SNTG2: variants seen among roughly 807,000 people sequenced by gnomAD.
SNTG2 encodes gamma-2-syntrophin.
A neutral mutation model predicts 70.9 loss-of-function variants in SNTG2; 74 were observed. The observed-to-expected ratio is 1.04, with a 90% confidence interval of 0.86 to 1.27. The LOEUF (loss-of-function observed/expected upper bound fraction) is 1.27, where lower values mean the gene tolerates loss of function less well. SNTG2 is among the 50% of genes most tolerant of loss of function. The pLI is 0.00. For synonymous variants in SNTG2, 278 were observed against 273.8 expected (o/e 1.02, Z -0.15); for missense variants, 717 against 690.7 (o/e 1.04, Z -0.43).
At chr2:1,361,670 A>G (rs930745042) in intron 16 of SNTG2, among the ~76,000 whole-genome samples, 7 of 152,314 alleles carry the variant, frequency 4.6e-5, no homozygotes, top group East Asian at 1.9e-4. Flanking sequence ...TAGAACTTCC[A>G]TGAAAGTCAC....
chr2:1,063,412 G>A (rs1662949158), intron 1 of SNTG2, among the ~76,000 whole-genome samples: 1 of 152,168 alleles, frequency 6.6e-6, no homozygotes, highest in Admixed American at 6.5e-5. Context: ...AAGCCTGGGA[G>A]TGGGGCAGCA....
intron 1 of SNTG2, among the ~76,000 whole-genome samples, chr2:976,553 G>T (rs753526596): frequency 1.3e-5 from 2 of 152,222 alleles, no homozygotes; most frequent in Non-Finnish European, 2.9e-5. Context: ...TTGCCTGAGA[G>T]CAGAAGCATG....
chr2:1,195,465 A>G (rs1202545690), intron 8 of SNTG2, among the ~76,000 whole-genome samples: 2 of 152,142 alleles, frequency 1.3e-5, no homozygotes, highest in East Asian at 3.8e-4. Flanking sequence ...GCATTTCTCT[A>G]ATGACTAGTG....
chr2:1,239,746 G>A lies in SNTG2; in HGVS notation c.858G>A (p.Met286Ile). Residue 286 changes from methionine (M) to isoleucine (I), a missense_variant, in exon 11 of 17, where the codon ATG (methionine) becomes ATA (isoleucine). Coordinates refer to ENST00000308624, the MANE Select transcript of SNTG2 (RefSeq NM_018968.4). Reference sequence around the variant, plus strand: ...CTGCCTTCTCTCCACAGATGAAGATGGCGAACAAATGCTGCTCTCCTTCCG... The same window carrying A: ...CTGCCTTCTCTCCACAGATGAAGATAGCGAACAAATGCTGCTCTCCTTCCG... Reference protein sequence around the residue: ...IRELTLQNMKMANKCCSPSDQ... With the variant: ...IRELTLQNMKIANKCCSPSDQ... 1 of 1,613,472 alleles carries A rather than the reference G, an allele frequency of 6.2e-7. No individual in the cohort carries two copies. Among genetic ancestry groups the A allele is most frequent in the East Asian group, 2.2e-5 (1 of 44,878 alleles).
intron 1 of SNTG2, among the ~76,000 whole-genome samples, chr2:1,041,896 G>A (rs530797610): frequency 2.0e-4 from 30 of 152,234 alleles, no homozygotes; most frequent in Non-Finnish European, 3.8e-4. Flanking sequence ...GGGCTGATTT[G>A]GGGTCCTCTG....
intron 6 of SNTG2, among the ~76,000 whole-genome samples, chr2:1,139,826 CAAAAAAAAAAA>C (rs139384127): frequency 3.0e-5 from 3 of 101,030 alleles, no homozygotes; most frequent in African/African-American, 7.9e-5. Context: ...GACTCCATCT[CAAAAAAAAAAA>C]AAAAAAAAAA....
chr2:1,351,132 C>A (rs562086376), intron 16 of SNTG2, among the ~76,000 whole-genome samples: 24 of 151,748 alleles, frequency 1.6e-4, no homozygotes, highest in African/African-American at 5.8e-4. Flanking sequence ...GCCCACAGTT[C>A]TCTTAATTTC....
intron 6 of SNTG2, among the ~76,000 whole-genome samples, chr2:1,140,846 GA>G (rs11436722): frequency 1.3e-5 from 2 of 151,278 alleles, no homozygotes; most frequent in Non-Finnish European, 2.9e-5. Flanking sequence ...GACCTAATTG[GA>G]AAAAAAAAGT....
At position 1,173,178 on chromosome 2, in the gene SNTG2, A is replaced by C. The variant is rs1162063148; in HGVS notation, c.586A>C (p.Thr196Pro). ...TTTGCATCTGAACGGAAACTCCAGT[A>C]CCACAGTAAGCATATAGATTTTTGT... ...SGLHLNGNSS[T>P]TAPSSPSSPI... is the part of the protein sequence containing the mutation. Residue 196 changes from threonine to proline, a missense_variant, in exon 8 of 17, where the codon ACC becomes CCC. Coordinates refer to ENST00000308624, the MANE Select transcript of SNTG2 (RefSeq NM_018968.4). The C allele has an allele frequency of 6.2e-7, 1 of 1,613,774 alleles. No homozygotes were observed. The highest frequency in any genetic ancestry group is 8.5e-7 in the Non-Finnish European group (1 of 1,179,652).
chr2:1,324,998 T>C (rs1429077126), intron 16 of SNTG2, among the ~76,000 whole-genome samples: 1 of 152,226 alleles, frequency 6.6e-6, no homozygotes, highest in South Asian at 2.1e-4. Context: ...GTTCTGTGCT[T>C]GCCGCAAGGT....
At chr2:1,043,796 T>A (rs1458354620) in intron 1 of SNTG2, among the ~76,000 whole-genome samples, 1 of 152,226 alleles carries the variant, frequency 6.6e-6, no homozygotes, top group Non-Finnish European at 1.5e-5. Flanking sequence ...AACAGTACTA[T>A]GCTATTTTAG....
chr2:1,303,997 G>T (rs974465180), intron 14 of SNTG2, among the ~76,000 whole-genome samples: 3 of 152,194 alleles, frequency 2.0e-5, no homozygotes, highest in Non-Finnish European at 4.4e-5. Flanking sequence ...TAGTTCAGAT[G>T]ATTTCACTGG....
At chr2:1,094,113 C>T (rs1178740249) in intron 2 of SNTG2, among the ~76,000 whole-genome samples, 1 of 118,426 alleles carries the variant, frequency 8.4e-6, no homozygotes, top group Non-Finnish European at 1.7e-5. Flanking sequence ...GGCTGCCTTC[C>T]TGGCTTGCAG....
intron 9 of SNTG2, among the ~76,000 whole-genome samples, chr2:1,216,420 A>G (rs1318540703): frequency 6.6e-6 from 1 of 151,812 alleles, no homozygotes; most frequent in African/African-American, 2.4e-5. Context: ...TTTTCTTGTA[A>G]ATTTGTTTGA....
intron 2 of SNTG2, among the ~76,000 whole-genome samples, chr2:1,096,315 CTTACAG>C (rs1196841326): frequency 6.6e-6 from 1 of 152,196 alleles, no homozygotes; most frequent in East Asian, 1.9e-4. Flanking sequence ...TACATCACCT[CTTACAG>C]TTACCTTTGT....
intron 1 of SNTG2, among the ~76,000 whole-genome samples, chr2:1,070,196 C>T (rs1343641071): frequency 2.6e-5 from 4 of 152,144 alleles, no homozygotes; most frequent in Middle Eastern, 6.8e-3. Flanking sequence ...CTGAGCCCAC[C>T]GGAGACCCCA....
At chr2:1,169,986 C>T (rs1036719434) in intron 7 of SNTG2, among the ~76,000 whole-genome samples, 2 of 152,152 alleles carry the variant, frequency 1.3e-5, no homozygotes, top group Non-Finnish European at 2.9e-5. Flanking sequence ...ACGTCCTCTG[C>T]TGAATTCACA....
At chr2:1,068,618 G>T (rs796327774) in intron 1 of SNTG2, among the ~76,000 whole-genome samples, 2 of 152,052 alleles carry the variant, frequency 1.3e-5, no homozygotes, top group African/African-American at 4.8e-5. Flanking sequence ...TTGTACTGTC[G>T]CGTATTGTTG....
chr2:1,150,822 T>C (rs932465377), intron 6 of SNTG2, among the ~76,000 whole-genome samples: 4 of 152,152 alleles, frequency 2.6e-5, no homozygotes, highest in Admixed American at 6.5e-5. Flanking sequence ...CTCTCATGAA[T>C]AGCCCTGTGT....
Sources: allele counts gnomAD v4.1 joint callset (sites outside exome capture counted in the v4.1 genomes callset), GRCh38; gene constraint gnomAD v4.1.1; transcripts MANE v1.5; gene names NCBI Gene and HGNC (gene_info 2026-07-23, HGNC 2026-07-21).